FAM184A: variants seen among roughly 807,000 people sequenced by gnomAD.
The protein encoded by FAM184A is family with sequence similarity 184 member A, also known as protein FAM184A.
A neutral mutation model predicts 143.8 loss-of-function variants in FAM184A; 99 were observed. The ratio of observed to expected loss-of-function variants is 0.69; its 90% CI spans 0.58 to 0.81. FAM184A has a LOEUF of 0.81. Among genes scored for constraint, FAM184A ranks in the 40% least tolerant of loss-of-function variants. FAM184A has a pLI of 0.00. For synonymous variants in FAM184A, 427 were observed against 446.4 expected, an observed-to-expected ratio of 0.96 and a Z score of 0.55; for missense variants, 1,217 against 1,310.5, an observed-to-expected ratio of 0.93 and a Z score of 1.10.
At chr6:119,119,151 C>T (rs1034406728) in intron 1 of FAM184A, among the ~76,000 whole-genome samples, 1 of 152,190 alleles carries the variant, frequency 6.6e-6, no homozygotes, top group African/African-American at 2.4e-5. Flanking sequence ...TGCTGTCAAA[C>T]CCTGTCTCCC....
intron 1 of FAM184A, among the ~76,000 whole-genome samples, chr6:119,099,672 C>A (rs912692391): frequency 6.6e-6 from 1 of 152,100 alleles, no homozygotes; most frequent in Non-Finnish European, 1.5e-5. Flanking sequence ...GCTAACATTC[C>A]TATCTATCGA....
chr6:119,080,215 A>G (rs577998518), upstream of FAM184A, among the ~76,000 whole-genome samples: 1 of 152,360 alleles, frequency 6.6e-6, no homozygotes, highest in African/African-American at 2.4e-5. Flanking sequence ...TGGAAAGAGA[A>G]TAAGACTGGA....
chr6:118,974,386 T>C (rs368488519), intron 14 of FAM184A, 42 bp downstream of exon 14: 83 of 1,555,928 alleles, frequency 5.3e-5, no homozygotes, highest in Admixed American at 9.4e-5. Flanking sequence ...TGCTCCTAAA[T>C]TTATTATCCA....
At chr6:118,979,034 A>C (rs1013530860) in intron 11 of FAM184A, among the ~76,000 whole-genome samples, 19 of 152,220 alleles carry the variant, frequency 1.2e-4, no homozygotes, top group African/African-American at 4.6e-4. Flanking sequence ...ATGCAGTCTA[A>C]GGACATGTGG....
chr6:118,976,059 C>CA lies in FAM184A; in HGVS notation c.2456-16dup. 6.2e-7 allele frequency: 1 copy of CA among 1,602,736 alleles called. No individual in the cohort carries two copies. Reference sequence around the variant, plus strand: ...GCGCAAGGAAGCTGGAATTGCAAGGCAAAAATACATTTGGCACATTTAAAA... The same window carrying CA: ...GCGCAAGGAAGCTGGAATTGCAAGGCAAAAAATACATTTGGCACATTTAAAA... On this transcript the variant is annotated splice_polypyrimidine_tract_variant and intron_variant, in intron 11 of 17. Coordinates refer to ENST00000338891, the MANE Select transcript of FAM184A (RefSeq NM_024581.6).
intron 1 of FAM184A, among the ~76,000 whole-genome samples, chr6:119,076,328 C>G (rs1467786396): frequency 6.6e-6 from 1 of 152,152 alleles, no homozygotes; most frequent in Non-Finnish European, 1.5e-5. Flanking sequence ...ACTACAAACA[C>G]AAAACCAGAG....
At chr6:118,965,151 T>C (rs1245088101) in intron 15 of FAM184A, among the ~76,000 whole-genome samples, 1 of 151,820 alleles carries the variant, frequency 6.6e-6, no homozygotes, top group Non-Finnish European at 1.5e-5. Context: ...AATCTTTATT[T>C]CCATTTCTTT....
intron 1 of FAM184A, among the ~76,000 whole-genome samples, chr6:119,128,868 G>T (rs1430374050): frequency 7.9e-6 from 1 of 126,104 alleles, no homozygotes; most frequent in Non-Finnish European, 1.7e-5. Flanking sequence ...ATTCTGTAGA[G>T]AATCCCCTTC....
At chr6:119,076,183 T>G (rs563637194) in intron 1 of FAM184A, among the ~76,000 whole-genome samples, 4 of 152,248 alleles carry the variant, frequency 2.6e-5, no homozygotes, top group Admixed American at 2.6e-4. Flanking sequence ...CATCCTATAA[T>G]GCACAGGATA....
intron 1 of FAM184A, among the ~76,000 whole-genome samples, chr6:119,065,809 C>T (rs182137501): frequency 4.6e-5 from 7 of 151,882 alleles, no homozygotes; most frequent in Admixed American, 4.6e-4. Flanking sequence ...AATCCATGGC[C>T]CTCATAATTT....
chr6:119,094,237 C>T (rs932462693), intron 1 of FAM184A, among the ~76,000 whole-genome samples: 2 of 151,908 alleles, frequency 1.3e-5, no homozygotes, highest in Non-Finnish European at 2.9e-5. Flanking sequence ...GTGCCTGGCC[C>T]GACTGCCGTT....
intron 1 of FAM184A, among the ~76,000 whole-genome samples, chr6:119,099,884 A>G (rs1788597495): frequency 6.6e-6 from 1 of 152,032 alleles, no homozygotes; most frequent in Non-Finnish European, 1.5e-5. Context: ...CCTGTGAGCG[A>G]CTCTAGCAAA....
At chr6:119,123,127 C>A (rs1488361890) in intron 1 of FAM184A, among the ~76,000 whole-genome samples, 1 of 151,852 alleles carries the variant, frequency 6.6e-6, no homozygotes, top group Non-Finnish European at 1.5e-5. Flanking sequence ...ATGGTTCACA[C>A]CGGTAATCCC....
chr6:119,096,493 G>A lies in FAM184A; in HGVS notation c.-202+52585C>T, dbSNP rs1485788183. Among the ~76,000 whole-genome samples, 53 of 85,208 alleles carry A rather than the reference G, an allele frequency of 6.2e-4. 19 individuals carry two copies. The highest frequency in any genetic ancestry group is 2.0e-3 in the African/African-American group (47 of 23,410). The allele number at this position is 85,208 out of a possible 152,430, so 55.9% of individuals were successfully genotyped here. On this transcript the variant is annotated intron_variant, in intron 1 of 16. Coordinates refer to the FAM184A transcript ENST00000352896. Reference sequence around the variant, plus strand: ...CTACTAAAAATACAAAAAATTAGCCGGGCGCGGTGGCGGGCGCCTGTAGTC... The same window carrying A: ...CTACTAAAAATACAAAAAATTAGCCAGGCGCGGTGGCGGGCGCCTGTAGTC...
rs1783791258 is a variant in FAM184A, at chr6:118,974,542, T to G, written c.2801A>C (p.Glu934Ala). ...LHEQDLNKRL[E>A]KELDVMTADH... ...TGCTGTCATGACATCCAACTCTTTT[T>G]CAAGTCTCTTGTTTAAATCTTGTTC... The change falls in exon 14 of 18, where the codon GAA (glutamate) becomes GCA (alanine). Residue 934 changes from glutamate (E) to alanine (A), a missense_variant. Glu to Ala is a moderately radical substitution (Grantham distance 107). Coordinates refer to ENST00000338891, the MANE Select transcript of FAM184A (RefSeq NM_024581.6). 1 of 1,609,116 alleles carries G rather than the reference T, an allele frequency of 6.2e-7. No homozygotes were observed.
At position 119,078,120 on chromosome 6, in the gene FAM184A, C is replaced by A; in HGVS notation, c.159+21G>T. 6.4e-7 allele frequency: 1 copy of A among 1,569,498 alleles called. No homozygotes were observed. Among genetic ancestry groups the A allele is most frequent in the Non-Finnish European group, 8.6e-7 (1 of 1,161,280 alleles). Reference sequence around the variant, plus strand: ...GCGGCCCGCACGGGGTCGCCACCTGCCCCGTCGCTGCCCCCCTTACCTTGG... The same window carrying A: ...GCGGCCCGCACGGGGTCGCCACCTGACCCGTCGCTGCCCCCCTTACCTTGG... On this transcript the variant is annotated intron_variant, in intron 1 of 17. Transcript: ENST00000338891. The surrounding 1 kb of genome is among the most constrained non-coding windows in gnomAD (Gnocchi z 5.5).
intron 1 of FAM184A, among the ~76,000 whole-genome samples, chr6:119,101,507 C>G (rs1280505253): frequency 6.6e-6 from 1 of 152,182 alleles, no homozygotes; most frequent in African/African-American, 2.4e-5. Flanking sequence ...ATAAATCAAG[C>G]AAGTTGCTAA....
intron 11 of FAM184A, 117 bp from the exon 12 acceptor site, chr6:118,976,161 T>C: frequency 1.1e-6 from 1 of 887,898 alleles, no homozygotes. Context: ...TGTATGTCCA[T>C]TAAATTAATA....
At chr6:118,966,717 T>A (rs1170922074) in intron 15 of FAM184A, 118 bp downstream of exon 15, 1 of 469,090 alleles carries the variant, frequency 2.1e-6, no homozygotes. Flanking sequence ...TCAATCACAA[T>A]GCACATGTTC....
Sources: gnomAD v4.1 joint callset for allele counts (sites outside exome capture counted in the v4.1 genomes callset) on GRCh38, gnomAD v4.1.1 for gene constraint, Gnocchi (gnomAD v3.1) non-coding constraint, MANE v1.5 for transcripts, NCBI Gene and HGNC (gene_info 2026-07-23, HGNC 2026-07-21) for gene names.